AGL: variants seen among roughly 807,000 people sequenced by gnomAD.
The protein encoded by AGL is glycogen debranching enzyme.
Under a neutral mutation model 199.3 loss-of-function variants are expected in AGL, and 128 were observed. The observed-to-expected ratio is 0.64, with a 90% CI of 0.56 to 0.74. The LOEUF (loss-of-function observed/expected upper bound fraction) is 0.74. AGL is among the 30% of genes least tolerant of loss of function. AGL has a pLI of 0.00. For synonymous variants in AGL, 584 were observed against 594.7 expected, an observed-to-expected ratio of 0.98 and a Z score of 0.26; for missense variants, 1,809 against 1,820.8, an observed-to-expected ratio of 0.99 and a Z score of 0.12.
At chr1:99,906,667 G>A (rs1654316166) in intron 27 of AGL, among the ~76,000 whole-genome samples, 2 of 152,090 alleles carry the variant, frequency 1.3e-5, no homozygotes, top group African/African-American at 2.4e-5. Flanking sequence ...TTTCCACTTA[G>A]CATAATGCCA....
chr1:99,911,631 C>T (rs780105030), intron 28 of AGL, among the ~76,000 whole-genome samples: 8 of 152,056 alleles, frequency 5.3e-5, no homozygotes, highest in Non-Finnish European at 1.0e-4. Flanking sequence ...TTAGTGAAGA[C>T]GAGGTTTCAC....
chr1:99,854,112 T>G (rs924558135), intron 2 of AGL, among the ~76,000 whole-genome samples: 1 of 152,012 alleles, frequency 6.6e-6, no homozygotes, highest in Non-Finnish European at 1.5e-5. Context: ...GAGAATCGCT[T>G]GAACCTGGGA....
chr1:99,875,542 A>C lies in AGL; in HGVS notation c.1283+87A>C, dbSNP rs578098163. ...TGAAATTAACCTAAATGTTTTCTTT[A>C]ACATGTGAGTTCAGTACATTTCTTA... On this transcript the variant is annotated intron_variant, in intron 10 of 33. Transcript: ENST00000361915. 6.3e-5 allele frequency: 69 copies of C among 1,097,574 alleles called. 2 individuals are homozygous for C. The South Asian group carries it at 7.8e-4, about 12-fold the overall frequency. 68.0% of individuals were successfully genotyped at this position (1,097,574 alleles called of 1,614,324 possible). A position where few individuals can be genotyped will look rare whatever the true frequency, so the allele number is the denominator to read the frequency against.
At chr1:99,875,523 T>A in intron 10 of AGL, 68 bp downstream of exon 10, 1 of 1,328,210 alleles carries the variant, frequency 7.5e-7, no homozygotes, top group Non-Finnish European at 1.1e-6. Flanking sequence ...CTTTTGAAAT[T>A]AACCTAAATG....
intron 31 of AGL, among the ~76,000 whole-genome samples, 158 bp downstream of exon 31, chr1:99,915,644 A>G (rs1242008901): frequency 6.6e-6 from 1 of 151,730 alleles, no homozygotes; most frequent in Admixed American, 6.6e-5. Flanking sequence ...GATTGTGTAC[A>G]CCTGTAGTCC....
chr1:99,887,719 A>G (rs908133882), intron 20 of AGL, among the ~76,000 whole-genome samples: 6 of 152,184 alleles, frequency 3.9e-5, no homozygotes, highest in African/African-American at 1.4e-4. Context: ...TTTTCCCAGC[A>G]TACTTCTAAT....
In AGL at chr1:99,913,689, C is replaced by T. The variant is rs1283814796; in HGVS notation, c.4112C>T (p.Pro1371Leu). 1 of 1,614,070 alleles carries T rather than the reference C, an allele frequency of 6.2e-7. No homozygotes were observed. The highest frequency in any genetic ancestry group is 1.1e-5 in the South Asian group (1 of 91,082). Residue 1371 changes from proline to leucine, a missense_variant, in exon 30 of 34, where the codon CCT becomes CTT. Physicochemically the swap from Pro to Leu is moderately conservative, Grantham distance 98 (BLOSUM62 -3). Transcript: ENST00000361915. ...AAAGATAGTTATGGAGCTTCAAGTC[C>T]TTGGTGTGACTATCAGCTCAGGCCT... is the stretch of plus-strand genomic sequence containing the variant. ...IYKDSYGASS[P>L]WCDYQLRPNF...
intron 27 of AGL, among the ~76,000 whole-genome samples, chr1:99,909,211 C>A (rs1654549958): frequency 6.6e-6 from 1 of 151,944 alleles, no homozygotes; most frequent in South Asian, 2.1e-4. Flanking sequence ...GTCTATACTC[C>A]CCACCCAGTT....
intron 33 of AGL, among the ~76,000 whole-genome samples, chr1:99,920,662 G>A (rs1429914073): frequency 1.3e-5 from 2 of 152,098 alleles, no homozygotes; most frequent in African/African-American, 4.8e-5. Flanking sequence ...TTTACCTAAT[G>A]GGATTATTTT....
At chr1:99,894,516 T>A (rs959761156) in intron 24 of AGL, among the ~76,000 whole-genome samples, 1 of 152,150 alleles carries the variant, frequency 6.6e-6, no homozygotes, top group African/African-American at 2.4e-5. Context: ...AAAATTAATA[T>A]CATGTATATA....
chr1:99,915,268 A>G, intron 30 of AGL, 121 bp from the exon 31 acceptor site: 1 of 836,454 alleles, frequency 1.2e-6, no homozygotes, highest in Non-Finnish European at 2.0e-6. Context: ...ATCTACACTC[A>G]AATTCTGACC....
chr1:99,856,194 T>C lies in AGL; in HGVS notation c.82+5070T>C, dbSNP rs1318031114. 2.0e-5 allele frequency among the ~76,000 whole-genome samples: 3 copies of C among 152,178 alleles called. No individual in the cohort carries two copies. In the East Asian group the frequency reaches 5.8e-4, roughly 29 times the overall value. ...GTTTCATTTACTGTATATAAAAATT[T>C]TAGTTTCAGTGATTTGCATTAGAGG... On this transcript the variant is annotated intron_variant, in intron 2 of 33. Transcript: ENST00000361915.
chr1:99,857,841 A>AGGGGGGT (rs1402738862), intron 2 of AGL, among the ~76,000 whole-genome samples: 1 of 6,186 alleles, frequency 1.6e-4, no homozygotes, highest in African/African-American at 6.3e-4. Flanking sequence ...GGGGAGGGGG[A>AGGGGGGT]GGGGGAGGGG....
rs960317923 is a variant in AGL at position 99,881,771 on chromosome 1, C to A, written c.2308+80C>A. 4.2e-6 allele frequency: 5 copies of A among 1,178,734 alleles called. No individual in the cohort carries two copies. The African/African-American group carries it at 6.2e-5, about 15-fold the overall frequency. The allele number at this position is 1,178,734 out of a possible 1,614,324, so 73.0% of individuals were successfully genotyped here. A position where few individuals can be genotyped will look rare whatever the true frequency, so the allele number is the denominator to read the frequency against. ...ATACTGTAATGTTATGGTTATATAT[C>A]ATGTATATATCATATATATTATAAC... On this transcript the variant is annotated intron_variant, in intron 17 of 33. Transcript: ENST00000361915.
intron 28 of AGL, among the ~76,000 whole-genome samples, chr1:99,911,416 TATTAAGCTGAGAA>T (rs772551305): frequency 3.9e-5 from 6 of 152,220 alleles, no homozygotes; most frequent in Admixed American, 6.5e-5. Flanking sequence ...TCTGATACTG[TATTAAGCTGAGAA>T]GTTATTTTCT....
At chr1:99,859,625 G>A (rs1006956690) in intron 2 of AGL, among the ~76,000 whole-genome samples, 5 of 152,046 alleles carry the variant, frequency 3.3e-5, no homozygotes, top group African/African-American at 9.7e-5. Flanking sequence ...CTAGCTCACT[G>A]CAACCTCTGC....
At chr1:99,891,781 G>A in intron 23 of AGL, 42 bp downstream of exon 23, 1 of 1,607,758 alleles carries the variant, frequency 6.2e-7, no homozygotes, top group Non-Finnish European at 8.5e-7. Context: ...TATCTGTGTT[G>A]AAACTATATA....
chr1:99,891,564 G>A (rs1452572638), intron 22 of AGL, 42 bp from the exon 23 acceptor site: 3 of 1,609,334 alleles, frequency 1.9e-6, no homozygotes, highest in Admixed American at 1.7e-5. Flanking sequence ...CACCTAGTCT[G>A]TACACATACC....
intron 10 of AGL, 63 bp from the exon 11 acceptor site, chr1:99,876,395 A>C: frequency 7.8e-7 from 1 of 1,275,630 alleles, no homozygotes; most frequent in Non-Finnish European, 1.1e-6. Context: ...TTAATATTGC[A>C]AATTTATATT....
Sources: allele counts gnomAD v4.1 joint callset (sites outside exome capture counted in the v4.1 genomes callset), GRCh38; gene constraint gnomAD v4.1.1; transcripts MANE v1.5; gene names NCBI Gene and HGNC (gene_info 2026-07-23, HGNC 2026-07-21).